MSRB3: variants seen among roughly 807,000 people sequenced by gnomAD.
MSRB3 encodes the protein methionine-R-sulfoxide reductase B3.
In MSRB3, 13 loss-of-function variants were observed where a neutral mutation model predicts 21.0. The ratio of observed to expected loss-of-function variants is 0.62; its 90% CI spans 0.40 to 0.98. MSRB3 has a LOEUF of 0.98. Ranked by LOEUF, MSRB3 falls within the 50% of genes least tolerant of loss-of-function variation. The pLI is 0.00. For missense variants in MSRB3, 199 were observed against 230.3 expected, an observed-to-expected ratio of 0.86 and a Z score of 0.88; for synonymous variants, 87 against 88.6, an observed-to-expected ratio of 0.98 and a Z score of 0.10.
At chr12:65,312,127 A>C (rs909540839) in intron 2 of MSRB3, among the ~76,000 whole-genome samples, 1 of 152,074 alleles carries the variant, frequency 6.6e-6, no homozygotes, top group Non-Finnish European at 1.5e-5. Context: ...CAAATCAATA[A>C]ACTTCTCCTG....
intron 5 of MSRB3, among the ~76,000 whole-genome samples, chr12:65,425,762 T>C (rs927595042): frequency 5.9e-5 from 9 of 152,186 alleles, no homozygotes; most frequent in Non-Finnish European, 1.0e-4. Context: ...ACTTTCATAC[T>C]AAAAATTTAA....
At chr12:65,441,818 A>G (rs866907023) in intron 5 of MSRB3, among the ~76,000 whole-genome samples, 20 of 152,168 alleles carry the variant, frequency 1.3e-4, no homozygotes, top group African/African-American at 4.6e-4. Flanking sequence ...GATGTAATCT[A>G]TTAAACAAAT....
At chr12:65,342,669 C>T (rs1393787598) in intron 4 of MSRB3, among the ~76,000 whole-genome samples, 1 of 151,954 alleles carries the variant, frequency 6.6e-6, no homozygotes, top group East Asian at 1.9e-4. Flanking sequence ...GATATAGCTA[C>T]AAGAATGTTC....
At chr12:65,335,693 G>A (rs1875721614) in intron 4 of MSRB3, among the ~76,000 whole-genome samples, 1 of 152,016 alleles carries the variant, frequency 6.6e-6, no homozygotes. Context: ...CTCAAATCCC[G>A]TCTCCTCAAC....
At chr12:65,284,056 C>G (rs944871813) in intron 1 of MSRB3, 9 of 152,056 alleles carry the variant, frequency 5.9e-5, no homozygotes, top group African/African-American at 2.2e-4. Context: ...TTTACCAGAT[C>G]AGATAGAGAG....
chr12:65,455,399 T>C (rs1033949424), intron 6 of MSRB3, among the ~76,000 whole-genome samples: 2 of 152,238 alleles, frequency 1.3e-5, no homozygotes, highest in Non-Finnish European at 2.9e-5. Context: ...AGTGGAACTT[T>C]CTGGTGCTGG....
At chr12:65,340,915 CAGA>C (rs1410679692) in intron 4 of MSRB3, among the ~76,000 whole-genome samples, 1 of 151,990 alleles carries the variant, frequency 6.6e-6, no homozygotes, top group African/African-American at 2.4e-5. Context: ...CCAGCAACCT[CAGA>C]AGAAATTGAG....
At chr12:65,357,209 A>G (rs927474399) in intron 4 of MSRB3, among the ~76,000 whole-genome samples, 3 of 151,766 alleles carry the variant, frequency 2.0e-5, no homozygotes, top group Non-Finnish European at 2.9e-5. Context: ...CTCACCTCCC[A>G]TATCTAGTCT....
At chr12:65,439,621 C>G (rs1310779571) in intron 5 of MSRB3, among the ~76,000 whole-genome samples, 1 of 151,274 alleles carries the variant, frequency 6.6e-6, no homozygotes, top group Non-Finnish European at 1.5e-5. Flanking sequence ...AAATATCTAA[C>G]TCTATGGGGT....
intron 5 of MSRB3, among the ~76,000 whole-genome samples, chr12:65,380,566 C>A (rs1304963879): frequency 6.6e-6 from 1 of 152,076 alleles, no homozygotes; most frequent in African/African-American, 2.4e-5. Flanking sequence ...CAGAGTGAGA[C>A]CTTGTCTCAA....
rs529741073 is a variant in MSRB3, at chr12:65,364,861, A to G, written c.264-4137A>G. On this transcript the variant is annotated intron_variant, in intron 4 of 6. Coordinates refer to ENST00000308259, the MANE Select transcript of MSRB3 (RefSeq NM_001031679.3). ...CCCCAAATTGACAGTTTTAACTTCT[A>G]TTATCATGTTTTAATTATCAATAGA... Among the ~76,000 whole-genome samples the G allele has an allele frequency of 4.6e-5, 7 of 152,316 alleles. No homozygotes were observed. In the East Asian group the frequency reaches 5.8e-4, roughly 13 times the overall value.
rs896170092 is a variant in MSRB3, at chr12:65,393,870, A to T, written c.292+24844A>T. The stretch of plus-strand genomic sequence containing the variant: ...TGGGTACTTCTAGATTCTTTAAAAA[A>T]TTTTTTTAATAAAAATGAATTTATC... On this transcript the variant is annotated intron_variant, in intron 5 of 6. Coordinates refer to ENST00000308259, the MANE Select transcript of MSRB3 (RefSeq NM_001031679.3). Among the ~76,000 whole-genome samples, 6 of 152,150 alleles carry T rather than the reference A, an allele frequency of 3.9e-5. No individual in the cohort carries two copies. In the East Asian group the frequency reaches 7.7e-4, roughly 20 times the overall value.
intron 5 of MSRB3, among the ~76,000 whole-genome samples, chr12:65,398,927 C>T (rs181179396): frequency 1.3e-5 from 2 of 151,800 alleles, no homozygotes; most frequent in Non-Finnish European, 2.9e-5. Flanking sequence ...AGGTGTGTGG[C>T]GTTATTTCTG....
At chr12:65,291,116 A>T (rs1285450733) in intron 1 of MSRB3, among the ~76,000 whole-genome samples, 2 of 149,710 alleles carry the variant, frequency 1.3e-5, no homozygotes, top group African/African-American at 4.9e-5. Flanking sequence ...ATGGAGTCTC[A>T]CTCTTGTCAC....
intron 4 of MSRB3, among the ~76,000 whole-genome samples, chr12:65,363,062 C>A (rs759437005): frequency 2.0e-5 from 3 of 152,140 alleles, no homozygotes; most frequent in Non-Finnish European, 4.4e-5. Flanking sequence ...AATGCGCTTA[C>A]AGACAAAAAT....
At chr12:65,354,938 T>C (rs1030912229) in intron 4 of MSRB3, among the ~76,000 whole-genome samples, 9 of 151,846 alleles carry the variant, frequency 5.9e-5, no homozygotes, top group Non-Finnish European at 2.9e-5. Flanking sequence ...GTTATGCTAC[T>C]ATAGTTAAAG....
intron 1 of MSRB3, among the ~76,000 whole-genome samples, chr12:65,307,418 G>A (rs1447856276): frequency 3.9e-5 from 6 of 152,116 alleles, no homozygotes; most frequent in African/African-American, 1.4e-4. Context: ...TTATATGTTT[G>A]TTCTTCAAGG....
chr12:65,394,707 C>T (rs144333164), intron 5 of MSRB3, among the ~76,000 whole-genome samples: 24 of 152,238 alleles, frequency 1.6e-4, no homozygotes, highest in Middle Eastern at 3.4e-3. Context: ...TACTAGCAAA[C>T]CAAATACAGC....
chr12:65,337,304 C>T (rs1423430051), intron 4 of MSRB3, among the ~76,000 whole-genome samples: 3 of 151,316 alleles, frequency 2.0e-5, no homozygotes, highest in South Asian at 2.1e-4. Flanking sequence ...CATGGTGATG[C>T]ATGCCTGTAG....
Sources: allele counts gnomAD v4.1 joint callset (sites outside exome capture counted in the v4.1 genomes callset), GRCh38; gene constraint gnomAD v4.1.1; transcripts MANE v1.5; gene names NCBI Gene and HGNC (gene_info 2026-07-23, HGNC 2026-07-21).